Variants in FAM90A20 observed in about 807,000 individuals in gnomAD.
The protein encoded by FAM90A20 is protein FAM90A20.
chr8:7,296,660 C>G, the FAM90A20 span, among the ~76,000 whole-genome samples: 1 of 135,222 alleles, frequency 7.4e-6, no homozygotes, highest in Admixed American at 6.9e-5. Context: ...ATTAGTCCCT[C>G]AGAGGCCGCA....
At chr8:7,296,692 A>G in the FAM90A20 span, among the ~76,000 whole-genome samples, 3 of 135,792 alleles carry the variant, frequency 2.2e-5, no homozygotes, top group Admixed American at 2.1e-4. Flanking sequence ...GGCTAAACCC[A>G]GGAACATGCA....
the FAM90A20 span, chr8:7,295,563 A>C: frequency 1.0e-5 from 7 of 670,966 alleles, 1 homozygote; most frequent in South Asian, 1.0e-4. Flanking sequence ...ATCCATCCCA[A>C]TGTTAACGTG....
chr8:7,296,478 A>G, the FAM90A20 span: 167 of 672,862 alleles, frequency 2.5e-4, 22 homozygotes, highest in East Asian at 4.5e-3. Context: ...CGTCTGCGGG[A>G]GGAAATCGGG....
chr8:7,297,754 C>G, the FAM90A20 span: 14 of 1,479,396 alleles, frequency 9.5e-6, 2 homozygotes, highest in African/African-American at 2.0e-5. Flanking sequence ...CTGCCCAGGC[C>G]TGCACCATGT....
chr8:7,296,928 C>G, the FAM90A20 span: 13 of 750,754 alleles, frequency 1.7e-5, 3 homozygotes, highest in Admixed American at 1.9e-4. Context: ...GGGTCTGTCC[C>G]TACTTCCAAG....
chr8:7,297,090 C>G, the FAM90A20 span: 6 of 1,512,008 alleles, frequency 4.0e-6, 1 homozygote, highest in East Asian at 6.8e-5. Flanking sequence ...CCGGTCCACA[C>G]AACCTGTAAG....
the FAM90A20 span, chr8:7,297,616 G>A: frequency 1.6e-5 from 23 of 1,436,932 alleles, 1 homozygote; most frequent in Admixed American, 3.5e-4. Context: ...GGGCCCCGGA[G>A]AATCTCCAAC....
chr8:7,297,506 C>G, the FAM90A20 span: 12 of 1,513,588 alleles, frequency 7.9e-6, 2 homozygotes, highest in South Asian at 3.4e-5. Context: ...AGCCAAGAGA[C>G]CTGCCCAGGC....
chr8:7,296,852 G>T, the FAM90A20 span, among the ~76,000 whole-genome samples: 7 of 136,822 alleles, frequency 5.1e-5, 1 homozygote, highest in African/African-American at 1.0e-4. Context: ...GGTGTGCTTA[G>T]ATCAGCTACA....
the FAM90A20 span, chr8:7,297,322 C>A: frequency 2.2e-6 from 3 of 1,362,712 alleles, no homozygotes; most frequent in Non-Finnish European, 3.1e-6. Context: ...CGACACACAG[C>A]AGCCCTGAGG....
At chr8:7,296,031 G>A in the FAM90A20 span, among the ~76,000 whole-genome samples, 55 of 129,466 alleles carry the variant, frequency 4.2e-4, 10 homozygotes, top group Admixed American at 3.4e-3. Context: ...ACGGGGAGAG[G>A]CGGGGGCGCT....
the FAM90A20 span, chr8:7,297,665 C>A: frequency 1.0e-5 from 14 of 1,388,948 alleles, 1 homozygote; most frequent in Non-Finnish European, 1.4e-5. Flanking sequence ...AAGTAGGTCG[C>A]CCCAGATGGG....
chr8:7,297,116 C>A, the FAM90A20 span: 28 of 1,506,804 alleles, frequency 1.9e-5, 3 homozygotes, highest in South Asian at 3.0e-4. Flanking sequence ...GCGCATGGAC[C>A]CTGTCCTCTC....
the FAM90A20 span, among the ~76,000 whole-genome samples, chr8:7,296,668 G>A: frequency 8.2e-5 from 11 of 134,634 alleles, 1 homozygote; most frequent in East Asian, 6.1e-4. Flanking sequence ...CTCAGAGGCC[G>A]CAAACGTGGA....
At chr8:7,296,882 G>T in the FAM90A20 span, among the ~76,000 whole-genome samples, 1,302 of 135,848 alleles carry the variant, frequency 9.6e-3, 71 homozygotes, top group Non-Finnish European at 0.014. Context: ...ATAGCGCATC[G>T]TTCATGTGTC....
chr8:7,297,574 C>A, the FAM90A20 span: 8 of 1,511,356 alleles, frequency 5.3e-6, 1 homozygote, highest in Admixed American at 3.4e-5. Context: ...CCTTCCAGAT[C>A]CCCGAAAGCA....
At chr8:7,296,511 TG>T in the FAM90A20 span, 2 of 642,850 alleles carry the variant, frequency 3.1e-6, no homozygotes, top group East Asian at 6.0e-5. Context: ...CTTGTCTTCT[TG>T]GGGTCAGGGC....
At chr8:7,297,536 A>G in the FAM90A20 span, 6 of 1,522,918 alleles carry the variant, frequency 3.9e-6, no homozygotes, top group Non-Finnish European at 5.3e-6. Context: ...GGCTTGCCTG[A>G]ACTTCCCCAA....
chr8:7,297,153 G>A, the FAM90A20 span: 43 of 1,528,744 alleles, frequency 2.8e-5, 2 homozygotes, highest in Non-Finnish European at 3.7e-5. Context: ...GAAATGTCTG[G>A]CAGGGGCTCC....
Sources: allele counts gnomAD v4.1 joint callset (sites outside exome capture counted in the v4.1 genomes callset), GRCh38; gene constraint gnomAD v4.1.1; transcripts MANE v1.5; gene names NCBI Gene and HGNC (gene_info 2026-07-23, HGNC 2026-07-21).